Variants in RIT2 observed in about 807,000 individuals in gnomAD.
The protein encoded by RIT2 is GTP-binding protein Rit2.
In RIT2, 24 loss-of-function variants were observed where a neutral mutation model predicts 23.7. The ratio of observed to expected loss-of-function variants is 1.01; its 90% confidence interval spans 0.73 to 1.43. The LOEUF (loss-of-function observed/expected upper bound fraction) is 1.43. Ranked by LOEUF, RIT2 falls within the 40% of genes most tolerant of loss-of-function variation. The pLI is 0.00. For missense variants in RIT2, 236 were observed against 266.9 expected (o/e 0.88, Z 0.81); for synonymous variants, 107 against 91.1 (o/e 1.17, Z -0.99).
At chr18:42,754,784 GAC>G (rs1441366736) in intron 4 of RIT2, among the ~76,000 whole-genome samples, 2 of 152,176 alleles carry the variant, frequency 1.3e-5, no homozygotes, top group Non-Finnish European at 1.5e-5. Flanking sequence ...TGATGAAAAT[GAC>G]ACCAAATAAA....
chr18:42,829,310 CAAAAGT>C (rs1906391476), intron 4 of RIT2, among the ~76,000 whole-genome samples: 1 of 152,060 alleles, frequency 6.6e-6, no homozygotes, highest in African/African-American at 2.4e-5. Context: ...TCTAGAATTA[CAAAAGT>C]AAAAGTAATA....
At chr18:42,771,883 C>A (rs543389159) in intron 4 of RIT2, among the ~76,000 whole-genome samples, 1 of 152,158 alleles carries the variant, frequency 6.6e-6, no homozygotes, top group African/African-American at 2.4e-5. Context: ...TGACACGTTG[C>A]CCTTTGCAAC....
At chr18:42,911,467 C>T (rs1908767809) in intron 4 of RIT2, among the ~76,000 whole-genome samples, 1 of 151,824 alleles carries the variant, frequency 6.6e-6, no homozygotes. Context: ...ATCATAAAAT[C>T]AGAAATGCAA....
intron 4 of RIT2, among the ~76,000 whole-genome samples, chr18:42,770,221 A>T (rs1356071430): frequency 6.6e-6 from 1 of 152,148 alleles, no homozygotes; most frequent in African/African-American, 2.4e-5. Context: ...AACATAACAC[A>T]AATAGTTTGG....
At chr18:42,788,145 G>A (rs1913963965) in intron 4 of RIT2, among the ~76,000 whole-genome samples, 1 of 152,030 alleles carries the variant, frequency 6.6e-6, no homozygotes, top group Non-Finnish European at 1.5e-5. Flanking sequence ...GTTTAGAAGA[G>A]TGTCATTGTT....
intron 2 of RIT2, among the ~76,000 whole-genome samples, chr18:43,026,616 GAAAGAAAGAAAGAA>G (rs1911732695): frequency 7.1e-6 from 1 of 141,368 alleles, no homozygotes; most frequent in East Asian, 2.2e-4. Context: ...AAGAAAGAAA[GAAAGAAAGAAAGAA>G]AGAAAGAGAG....
intron 3 of RIT2, among the ~76,000 whole-genome samples, chr18:42,963,064 T>G (rs768625911): frequency 2.6e-5 from 4 of 152,168 alleles, no homozygotes; most frequent in Non-Finnish European, 4.4e-5. Context: ...CCACGTTCCT[T>G]GAATAGGAGC....
intron 3 of RIT2, among the ~76,000 whole-genome samples, chr18:42,931,885 CAGAT>C (rs1465288243): frequency 3.3e-5 from 5 of 152,056 alleles, no homozygotes; most frequent in African/African-American, 1.2e-4. Flanking sequence ...TTTAGAGTAT[CAGAT>C]AGGATACTAC....
intron 2 of RIT2, among the ~76,000 whole-genome samples, chr18:42,985,214 G>GT (rs1279527784): frequency 6.6e-6 from 1 of 152,080 alleles, no homozygotes; most frequent in Non-Finnish European, 1.5e-5. Context: ...AATAAATCTT[G>GT]TAAAATGTTT....
intron 1 of RIT2, among the ~76,000 whole-genome samples, chr18:43,039,349 C>CTTTTTTTTTTTTTTTT (rs1251475840): frequency 7.5e-6 from 1 of 133,268 alleles, no homozygotes. Flanking sequence ...TTTTTCTTTT[C>CTTTTTTTTTTTTTTTT]TTTTTTTTTT....
At chr18:42,902,896 T>C (rs1050313513) in intron 4 of RIT2, among the ~76,000 whole-genome samples, 2 of 151,858 alleles carry the variant, frequency 1.3e-5, no homozygotes, top group East Asian at 1.9e-4. Context: ...AATTTCATAA[T>C]ATGGGATTTT....
chr18:43,104,196 AT>A (rs1913754957), intron 1 of RIT2, among the ~76,000 whole-genome samples: 1 of 152,220 alleles, frequency 6.6e-6, no homozygotes. Flanking sequence ...AGAAAGATAA[AT>A]ACCAAAAGTT....
intron 3 of RIT2, among the ~76,000 whole-genome samples, chr18:42,953,540 A>C (rs1417674680): frequency 6.6e-6 from 1 of 152,010 alleles, no homozygotes; most frequent in African/African-American, 2.4e-5. Flanking sequence ...TGACCTACCG[A>C]CTCTGGCCTA....
chr18:43,044,827 G>A (rs1301542257), intron 1 of RIT2, among the ~76,000 whole-genome samples: 1 of 152,130 alleles, frequency 6.6e-6, no homozygotes, highest in Admixed American at 6.5e-5. Context: ...TCTATGGAAT[G>A]TTCCCCTTTA....
At chr18:42,970,891 T>C (rs979090234) in intron 3 of RIT2, among the ~76,000 whole-genome samples, 1 of 151,988 alleles carries the variant, frequency 6.6e-6, no homozygotes, top group Non-Finnish European at 1.5e-5. Context: ...TTATCTATTG[T>C]TAATGTCTCT....
intron 1 of RIT2, among the ~76,000 whole-genome samples, chr18:43,094,322 T>A (rs1913499415): frequency 6.6e-6 from 1 of 151,974 alleles, no homozygotes; most frequent in Non-Finnish European, 1.5e-5. Context: ...AAATCCGTGC[T>A]TATAGATTAG....
At chr18:43,065,392 G>A (rs565653738) in intron 1 of RIT2, among the ~76,000 whole-genome samples, 19 of 151,632 alleles carry the variant, frequency 1.3e-4, no homozygotes, top group Admixed American at 8.5e-4. Flanking sequence ...CACCAACATC[G>A]GCTATCATTT....
intron 1 of RIT2, among the ~76,000 whole-genome samples, chr18:43,077,872 A>T (rs1162165715): frequency 6.6e-6 from 1 of 152,192 alleles, no homozygotes; most frequent in African/African-American, 2.4e-5. Flanking sequence ...TTGAATTTTT[A>T]AATGTATTAT....
intron 4 of RIT2, among the ~76,000 whole-genome samples, chr18:42,910,488 C>A (rs2144118183): frequency 6.6e-6 from 1 of 152,140 alleles, no homozygotes; most frequent in East Asian, 1.9e-4. Flanking sequence ...TGTTTTCCTG[C>A]CCAAATGTTG....
Sources: allele counts gnomAD v4.1 joint callset (sites outside exome capture counted in the v4.1 genomes callset), GRCh38; gene constraint gnomAD v4.1.1; transcripts MANE v1.5; gene names NCBI Gene and HGNC (gene_info 2026-07-23, HGNC 2026-07-21).